The following MITF variants were observed in gnomAD, a reference collection of about 807,000 sequenced individuals.
MITF encodes microphthalmia-associated transcription factor.
Under a neutral mutation model 60.5 loss-of-function variants are expected in MITF, and 17 were observed. The ratio of observed to expected loss-of-function variants is 0.28; its 90% confidence interval spans 0.19 to 0.42. The LOEUF (loss-of-function observed/expected upper bound fraction) is 0.42. MITF is among the 10% of genes least tolerant of loss of function. MITF has a pLI of 1.00. For synonymous variants in MITF, 260 were observed against 248.5 expected, an observed-to-expected ratio of 1.05 and a Z score of -0.43; for missense variants, 622 against 683.5, an observed-to-expected ratio of 0.91 and a Z score of 1.00.
intron 1 of MITF, among the ~76,000 whole-genome samples, chr3:69,781,450 A>G (rs1398391176): frequency 6.6e-6 from 1 of 152,140 alleles, no homozygotes; most frequent in Non-Finnish European, 1.5e-5. Flanking sequence ...TGCAAAATGA[A>G]CATGTGGAGC....
chr3:69,819,261 T>A (rs1160469019), intron 1 of MITF, among the ~76,000 whole-genome samples: 1 of 152,060 alleles, frequency 6.6e-6, no homozygotes, highest in African/African-American at 2.4e-5. Flanking sequence ...TCAGCTTTGC[T>A]TTTTTGCCCC....
chr3:69,847,961 A>G (rs2063760197), intron 1 of MITF, among the ~76,000 whole-genome samples: 1 of 152,240 alleles, frequency 6.6e-6, no homozygotes, highest in African/African-American at 2.4e-5. Context: ...TGTGCTGGCC[A>G]CATTATTTCC....
intron 2 of MITF, among the ~76,000 whole-genome samples, chr3:69,898,091 T>C (rs1210022768): frequency 1.3e-5 from 2 of 152,186 alleles, no homozygotes; most frequent in Non-Finnish European, 2.9e-5. Flanking sequence ...CAGAAATGCA[T>C]GCACAGTTTC....
chr3:69,751,331 C>T (rs186369131), intron 1 of MITF, among the ~76,000 whole-genome samples: 25 of 152,292 alleles, frequency 1.6e-4, no homozygotes, highest in Middle Eastern at 6.8e-3. Flanking sequence ...CAGCCAGCAT[C>T]TGTTTTGTCA....
In MITF at chr3:69,909,479, G is replaced by A. The variant is rs191528952; in HGVS notation, c.355-28343G>A. Among the ~76,000 whole-genome samples the A allele has an allele frequency of 2.8e-4, 42 of 152,310 alleles. No homozygotes were observed. In the East Asian group the frequency reaches 6.4e-3, roughly 23 times the overall value. On this transcript the variant is annotated intron_variant, in intron 2 of 9. Transcript: ENST00000352241. ...CTTTGGAATTGTGTAACAGGCATAGGTTGGAACAGTTTGGAGGGCTAGGAA... is the reference window on the plus strand; with the variant it reads ...CTTTGGAATTGTGTAACAGGCATAGATTGGAACAGTTTGGAGGGCTAGGAA...
At chr3:69,873,799 T>G (rs756124183) in intron 1 of MITF, among the ~76,000 whole-genome samples, 6 of 152,176 alleles carry the variant, frequency 3.9e-5, no homozygotes, top group Non-Finnish European at 5.9e-5. Flanking sequence ...TCCTGGGTAT[T>G]TTACTATTAG....
intron 9 of MITF, among the ~76,000 whole-genome samples, chr3:69,964,489 T>C (rs2066634145): frequency 7.4e-6 from 1 of 134,394 alleles, no homozygotes; most frequent in African/African-American, 2.9e-5. Context: ...TTTCCAAGTA[T>C]CTGATTTTTA....
intron 2 of MITF, among the ~76,000 whole-genome samples, chr3:69,928,706 A>G (rs534762744): frequency 6.6e-6 from 1 of 152,320 alleles, no homozygotes; most frequent in African/African-American, 2.4e-5. Flanking sequence ...TTTTGGGTTG[A>G]AAACTCCCAA....
chr3:69,758,828 T>C (rs2106794529), intron 1 of MITF: 1 of 210,958 alleles, frequency 4.7e-6, no homozygotes, highest in East Asian at 7.1e-5. Flanking sequence ...CCTTTTCTTT[T>C]GTTAGCTATG....
Position 69,917,235 on chromosome 3 carries a change from T to A in MITF, c.355-20587T>A, listed in dbSNP as rs369749920. Reference sequence around the variant, plus strand: ...GGGAATAATGACCGAAAAGTCTCTTTTGTGCATATTTAAGTTACTGGCATT... The same window carrying A: ...GGGAATAATGACCGAAAAGTCTCTTATGTGCATATTTAAGTTACTGGCATT... On this transcript the variant is annotated intron_variant, in intron 2 of 9. Coordinates refer to ENST00000352241, the MANE Select transcript of MITF (RefSeq NM_001354604.2). Among the ~76,000 whole-genome samples, 60 of 152,312 alleles carry A rather than the reference T, an allele frequency of 3.9e-4. 3 individuals are homozygous for A. In the East Asian group the frequency reaches 7.9e-3, roughly 20 times the overall value.
intron 1 of MITF, among the ~76,000 whole-genome samples, chr3:69,746,686 T>A (rs1487144207): frequency 6.6e-6 from 1 of 152,230 alleles, no homozygotes; most frequent in East Asian, 1.9e-4. Flanking sequence ...AAGCTTTTGA[T>A]ATTATAAAGG....
chr3:69,816,092 A>G (rs992211075), intron 1 of MITF, among the ~76,000 whole-genome samples: 2 of 152,122 alleles, frequency 1.3e-5, no homozygotes, highest in Non-Finnish European at 1.5e-5. Context: ...TAACTTTATT[A>G]CAGATGCTCT....
intron 1 of MITF, among the ~76,000 whole-genome samples, chr3:69,810,672 A>T (rs1575749070): frequency 6.6e-6 from 1 of 152,174 alleles, no homozygotes; most frequent in Non-Finnish European, 1.5e-5. Flanking sequence ...TATCAGTGAC[A>T]AGGAAATAAT....
At chr3:69,909,324 C>A (rs532155905) in intron 2 of MITF, among the ~76,000 whole-genome samples, 5 of 152,170 alleles carry the variant, frequency 3.3e-5, no homozygotes, top group African/African-American at 1.2e-4. Flanking sequence ...AACTGTAAAT[C>A]CAATTAAACC....
chr3:69,909,263 T>A (rs1440860290), intron 2 of MITF, among the ~76,000 whole-genome samples: 1 of 152,200 alleles, frequency 6.6e-6, no homozygotes, highest in African/African-American at 2.4e-5. Flanking sequence ...CACCACCATA[T>A]AAGTGCCTTT....
chr3:69,894,786 G>A (rs1416023622), intron 2 of MITF, among the ~76,000 whole-genome samples: 1 of 151,806 alleles, frequency 6.6e-6, no homozygotes, highest in East Asian at 1.9e-4. Flanking sequence ...TTACCTTTTA[G>A]AAACATGTCA....
chr3:69,951,825 C>T lies in MITF; in HGVS notation c.894C>T (p.Pro298=). 1 of 1,613,396 alleles carries T rather than the reference C, an allele frequency of 6.2e-7. No homozygotes were observed. The highest frequency in any genetic ancestry group is 8.5e-7 in the Non-Finnish European group (1 of 1,179,610). ...TCACGTGCACAGCGTGTATTTTTCC[C>T]ACAGAGTCTGAAGCAAGAGCACTGG... ...IKRELTACIF[P]TESEARALAK... is the part of the protein sequence containing the mutation. The change falls in exon 7 of 10, where the codon CCC becomes CCT. Residue 298 remains proline (P), a synonymous_variant. Transcript: ENST00000352241.
At chr3:69,790,957 C>A (rs948924614) in intron 1 of MITF, among the ~76,000 whole-genome samples, 1 of 152,116 alleles carries the variant, frequency 6.6e-6, no homozygotes, top group Admixed American at 6.5e-5. Flanking sequence ...AATAATAGAC[C>A]GTAGATGGTG....
chr3:69,900,485 C>G (rs2064971745), intron 2 of MITF, among the ~76,000 whole-genome samples: 1 of 152,148 alleles, frequency 6.6e-6, no homozygotes, highest in East Asian at 1.9e-4. Context: ...CCAAACACCT[C>G]CCACGTCTTT....
Sources: gnomAD v4.1 joint callset for allele counts (sites outside exome capture counted in the v4.1 genomes callset) on GRCh38, gnomAD v4.1.1 for gene constraint, MANE v1.5 for transcripts, NCBI Gene and HGNC (gene_info 2026-07-23, HGNC 2026-07-21) for gene names.